ADGRB3: variants seen among roughly 807,000 people sequenced by gnomAD.
ADGRB3 encodes brain-specific angiogenesis inhibitor 3.
Under a neutral mutation model 193.4 loss-of-function variants are expected in ADGRB3, and 37 were observed. The observed-to-expected ratio is 0.19, with a 90% CI of 0.15 to 0.25. The LOEUF (loss-of-function observed/expected upper bound fraction) is 0.25, where lower values mean the gene tolerates loss of function less well. Ranked by LOEUF, ADGRB3 falls within the 10% of genes least tolerant of loss-of-function variation. The pLI is 1.00. For missense variants in ADGRB3, 1,637 were observed against 1,852.9 expected (o/e 0.88, Z 2.14); for synonymous variants, 690 against 644.2 (o/e 1.07, Z -1.08).
chr6:68,971,609 T>C (rs945030519), intron 8 of ADGRB3, among the ~76,000 whole-genome samples: 12 of 151,864 alleles, frequency 7.9e-5, no homozygotes, highest in Non-Finnish European at 1.6e-4. Context: ...ATCAGTGAAT[T>C]TTGGTATCTG....
At chr6:68,789,527 G>A (rs1235117787) in intron 3 of ADGRB3, among the ~76,000 whole-genome samples, 3 of 152,222 alleles carry the variant, frequency 2.0e-5, no homozygotes, top group African/African-American at 7.2e-5. Context: ...GAGATCAGCT[G>A]TTAGTCTGAT....
chr6:69,284,413 G>A (rs1428303040), intron 20 of ADGRB3, among the ~76,000 whole-genome samples: 4 of 152,076 alleles, frequency 2.6e-5, no homozygotes, highest in Non-Finnish European at 5.9e-5. Flanking sequence ...CATATCAGCC[G>A]ACTTGATCTG....
intron 17 of ADGRB3, among the ~76,000 whole-genome samples, chr6:69,115,384 G>T (rs530410129): frequency 3.3e-5 from 5 of 152,162 alleles, no homozygotes; most frequent in Admixed American, 1.3e-4. Flanking sequence ...TCATAAGTGG[G>T]AGCTGAACAA....
At chr6:68,909,520 C>T (rs192918178) in intron 3 of ADGRB3, among the ~76,000 whole-genome samples, 3 of 152,158 alleles carry the variant, frequency 2.0e-5, no homozygotes, top group Admixed American at 2.0e-4. Flanking sequence ...TTTTATCCTT[C>T]TACTAAGGCA....
At chr6:69,255,928 C>A (rs1766758781) in intron 20 of ADGRB3, among the ~76,000 whole-genome samples, 1 of 152,102 alleles carries the variant, frequency 6.6e-6, no homozygotes, top group Admixed American at 6.5e-5. Context: ...TATGGCTATC[C>A]AGTTTTCCCA....
intron 28 of ADGRB3, among the ~76,000 whole-genome samples, chr6:69,359,824 C>T (rs1242984123): frequency 1.3e-5 from 2 of 151,772 alleles, no homozygotes; most frequent in East Asian, 1.9e-4. Context: ...CTTCGCACAG[C>T]GCTATTCTGT....
rs1768022253 is a variant in ADGRB3 at position 68,639,182 on chromosome 6, T to C, written c.507T>C (p.His169=). 1 of 1,614,210 alleles carries C rather than the reference T, an allele frequency of 6.2e-7. No individual in the cohort carries two copies. Among genetic ancestry groups the C allele is most frequent in the Non-Finnish European group, 8.5e-7 (1 of 1,180,034 alleles). The change falls in exon 3 of 32, where the codon CAT becomes CAC. Residue 169 remains histidine, a synonymous_variant. Transcript: ENST00000370598. ...NKVSPSQFGC[H]VLCTWLESCL... ...TCAGCCCAAGCCAGTTTGGTTGCCA[T>C]GTATTATGTACTTGGTTGGAGAGCT...
rs373836331 is a variant in ADGRB3, at chr6:69,062,965, G to A, written c.2365G>A (p.Val789Met). 23 of 1,611,310 alleles carry A rather than the reference G, an allele frequency of 1.4e-5. No individual in the cohort carries two copies. Among genetic ancestry groups the A allele is most frequent in the East Asian group, 4.5e-5 (2 of 44,786 alleles). Residue 789 changes from valine to methionine, a missense_variant, in exon 16 of 32, where the codon GTG (valine) becomes ATG (methionine). Coordinates refer to ENST00000370598, the MANE Select transcript of ADGRB3 (RefSeq NM_001704.3). ...TACTGTCATTAATTCCAAAATCATC[G>A]TGGTCACAATAAGGCCTGAACCCAA... is the stretch of plus-strand genomic sequence containing the variant. ...NYTVINSKIIVVTIRPEPKTT... is the reference protein window; with the variant it reads ...NYTVINSKIIMVTIRPEPKTT...
intron 3 of ADGRB3, among the ~76,000 whole-genome samples, chr6:68,762,464 A>G (rs1471541794): frequency 1.3e-5 from 2 of 152,154 alleles, no homozygotes; most frequent in African/African-American, 2.4e-5. Context: ...ATAAGACAAA[A>G]TAGACATAAG....
chr6:69,324,832 C>G, intron 20 of ADGRB3, 40 bp from the exon 21 acceptor site: 4 of 1,605,966 alleles, frequency 2.5e-6, no homozygotes, highest in Non-Finnish European at 3.4e-6. Flanking sequence ...TTCCCTCTCC[C>G]AGGTTCAGTG....
chr6:68,744,801 G>A (rs187773738), intron 3 of ADGRB3, among the ~76,000 whole-genome samples: 80 of 152,212 alleles, frequency 5.3e-4, no homozygotes, highest in African/African-American at 1.6e-3. Flanking sequence ...GTGGGTTGAT[G>A]AGTGCAGCAA....
intron 3 of ADGRB3, among the ~76,000 whole-genome samples, chr6:68,791,645 T>G (rs1467511126): frequency 6.6e-6 from 1 of 152,198 alleles, no homozygotes; most frequent in Non-Finnish European, 1.5e-5. Context: ...AAACTATGCC[T>G]CATTTGCCAT....
At chr6:68,805,476 G>A (rs960436869) in intron 3 of ADGRB3, among the ~76,000 whole-genome samples, 1 of 152,124 alleles carries the variant, frequency 6.6e-6, no homozygotes, top group Non-Finnish European at 1.5e-5. Context: ...GGTTCAGTGA[G>A]CCCATTATGA....
In ADGRB3 at chr6:69,388,983, C is replaced by A. The variant is rs2127245848; in HGVS notation, c.*92C>A. 1.5e-6 allele frequency: 2 copies of A among 1,291,034 alleles called. No homozygotes were observed. Among genetic ancestry groups the A allele is most frequent in the Non-Finnish European group, 2.1e-6 (2 of 947,544 alleles). The allele number at this position is 1,291,034 out of a possible 1,614,324, so 80.0% of individuals were successfully genotyped here. A position where few individuals can be genotyped will look rare whatever the true frequency, so the allele number is the denominator to read the frequency against. On this transcript the variant is annotated 3_prime_UTR_variant, in exon 32 of 32. Transcript: ENST00000370598. ...TGACATTTCTATCTGGACAGTGTGA[C>A]TATCTTATGTCAGGACCTTCATGTG...
In ADGRB3 at chr6:68,738,539, G is replaced by A. The variant is rs563993637; in HGVS notation, c.757+99107G>A. Among the ~76,000 whole-genome samples, 11 of 152,228 alleles carry A rather than the reference G, an allele frequency of 7.2e-5. No homozygotes were observed. The East Asian group carries it at 2.1e-3, about 29-fold the overall frequency. On this transcript the variant is annotated intron_variant, in intron 3 of 31. Transcript: ENST00000370598. Reference sequence around the variant, plus strand: ...ACAAAGGTGATAATTTTGGCTAGAGGGAGAAGGTCGTGAAGATAATGAGAA... The same window carrying A: ...ACAAAGGTGATAATTTTGGCTAGAGAGAGAAGGTCGTGAAGATAATGAGAA...
chr6:68,892,754 G>T (rs764108564), intron 3 of ADGRB3, among the ~76,000 whole-genome samples: 5 of 151,684 alleles, frequency 3.3e-5, no homozygotes, highest in Non-Finnish European at 5.9e-5. Context: ...GTATATTTCG[G>T]CAAAAAAACA....
chr6:68,642,876 T>C (rs753529142), intron 3 of ADGRB3, among the ~76,000 whole-genome samples: 6 of 152,132 alleles, frequency 3.9e-5, no homozygotes, highest in African/African-American at 1.4e-4. Flanking sequence ...AGACTGGTAT[T>C]TATTAACAAA....
At chr6:68,796,191 A>G (rs1582208952) in intron 3 of ADGRB3, among the ~76,000 whole-genome samples, 1 of 150,968 alleles carries the variant, frequency 6.6e-6, no homozygotes, top group Non-Finnish European at 1.5e-5. Context: ...ATATATATCT[A>G]TAAACCACCT....
At chr6:68,891,547 A>G (rs1766077195) in intron 3 of ADGRB3, among the ~76,000 whole-genome samples, 1 of 152,216 alleles carries the variant, frequency 6.6e-6, no homozygotes, top group South Asian at 2.1e-4. Flanking sequence ...ATGTATGATC[A>G]AACAACTTAA....
Sources: gnomAD v4.1 joint callset for allele counts (sites outside exome capture counted in the v4.1 genomes callset) on GRCh38, gnomAD v4.1.1 for gene constraint, MANE v1.5 for transcripts, NCBI Gene and HGNC (gene_info 2026-07-23, HGNC 2026-07-21) for gene names.